PAX5: variants seen among roughly 807,000 people sequenced by gnomAD.
PAX5 encodes paired box protein Pax-5.
Under a neutral mutation model 43.7 loss-of-function variants are expected in PAX5, and 9 were observed. The ratio of observed to expected loss-of-function variants is 0.21; its 90% CI spans 0.12 to 0.36. The LOEUF (loss-of-function observed/expected upper bound fraction) is 0.36, where lower values mean the gene tolerates loss of function less well. Among genes scored for constraint, PAX5 ranks in the 10% least tolerant of loss-of-function variants. The pLI, the probability that PAX5 is intolerant of heterozygous loss-of-function variation, is 1.00. For missense variants in PAX5, 383 were observed against 532.7 expected (o/e 0.72, Z 2.77); for synonymous variants, 228 against 214.3 (o/e 1.06, Z -0.56).
intron 1 of PAX5, among the ~76,000 whole-genome samples, chr9:37,023,847 G>T (rs1268654583): frequency 6.6e-6 from 1 of 152,172 alleles, no homozygotes; most frequent in African/African-American, 2.4e-5. Flanking sequence ...GAAAGGGCAG[G>T]GAAGAAGTCT....
Position 36,839,061 on chromosome 9 carries a change from A to T in PAX5, c.*1499T>A, listed in dbSNP as rs1429936030. ...ACAAGGGCTCTACCTGGCTGTTCTG[A>T]CTTGACAAGAGAGACTATGCAAGGA... On this transcript the variant is annotated 3_prime_UTR_variant, in exon 10 of 10. Transcript: ENST00000358127. 4.3e-6 allele frequency: 1 copy of T among 233,130 alleles called. No homozygotes were observed. Among genetic ancestry groups the T allele is most frequent in the Non-Finnish European group, 8.5e-6 (1 of 118,056 alleles). The allele number at this position is 233,130 out of a possible 1,614,324, so 14.4% of individuals were successfully genotyped here. A position where few individuals can be genotyped will look rare whatever the true frequency, so the allele number is the denominator to read the frequency against.
At chr9:36,988,899 TC>T (rs1406722401) in intron 5 of PAX5, among the ~76,000 whole-genome samples, 1 of 152,170 alleles carries the variant, frequency 6.6e-6, no homozygotes, top group African/African-American at 2.4e-5. Context: ...GGAATTATTA[TC>T]CCCCTTTGAC....
At chr9:36,870,440 T>C (rs146580513) in intron 8 of PAX5, among the ~76,000 whole-genome samples, 217 of 152,350 alleles carry the variant, frequency 1.4e-3, no homozygotes, top group African/African-American at 4.7e-3. Flanking sequence ...ACTCTGCAAC[T>C]GAGGCACAAA....
chr9:37,022,774 C>G (rs1839963487), intron 1 of PAX5, among the ~76,000 whole-genome samples: 1 of 152,202 alleles, frequency 6.6e-6, no homozygotes, highest in Non-Finnish European at 1.5e-5. Flanking sequence ...GTCCCCAAAC[C>G]CTCTACCCTT....
intron 3 of PAX5, among the ~76,000 whole-genome samples, chr9:37,009,789 A>G (rs1309308232): frequency 2.4e-5 from 2 of 82,538 alleles, no homozygotes; most frequent in Admixed American, 2.0e-4. Context: ...TATCTCATGT[A>G]CTCATAAATA....
chr9:36,853,764 A>G (rs921549524), intron 8 of PAX5, among the ~76,000 whole-genome samples: 1 of 152,280 alleles, frequency 6.6e-6, no homozygotes, highest in African/African-American at 2.4e-5. Flanking sequence ...CACTTAATGC[A>G]GCTGTCCTGG....
chr9:36,976,568 A>T (rs1481308844), intron 5 of PAX5, among the ~76,000 whole-genome samples: 20 of 152,182 alleles, frequency 1.3e-4, no homozygotes. Context: ...ACAAAAACAA[A>T]TGTTCTGAGT....
At chr9:36,942,234 T>C (rs186602571) in intron 6 of PAX5, among the ~76,000 whole-genome samples, 33 of 152,336 alleles carry the variant, frequency 2.2e-4, no homozygotes, top group Admixed American at 1.9e-3. Context: ...TCCCATCCCC[T>C]CAATTTTCAG....
In PAX5 at chr9:36,921,129, C is replaced by T. The variant is rs117507854; in HGVS notation, c.910+2226G>A. ...CGCCCAGCCAGACATAGCTTTTATA[C>T]GCACTGGGAAACCAAAAAATGTGTG... On this transcript the variant is annotated intron_variant, in intron 7 of 9. Coordinates refer to ENST00000358127, the MANE Select transcript of PAX5 (RefSeq NM_016734.3). 8.3e-3 allele frequency among the ~76,000 whole-genome samples: 1,258 copies of T among 152,120 alleles called. 36 individuals are homozygous for T. In the East Asian group the frequency reaches 0.1, roughly 12 times the overall value.
intron 6 of PAX5, among the ~76,000 whole-genome samples, chr9:36,930,113 G>A (rs1053995031): frequency 2.0e-5 from 3 of 151,862 alleles, no homozygotes; most frequent in South Asian, 2.1e-4. Context: ...TCTAGATGAT[G>A]GAACAGCTTG....
rs1407725439 is a variant in PAX5 at position 36,840,640 on chromosome 9, G to A, written c.1100-4C>T. ...GCGCTATAATAGTAGGGGGAGCCTG[G>A]AAGAGACGGGAGAGAGCACCGAGGT... On this transcript the variant is annotated splice_polypyrimidine_tract_variant and splice_region_variant and intron_variant, in intron 9 of 9. Transcript: ENST00000358127. The A allele has an allele frequency of 6.4e-7, 1 of 1,555,094 alleles. No individual in the cohort carries two copies. Among genetic ancestry groups the A allele is most frequent in the Non-Finnish European group, 8.7e-7 (1 of 1,146,978 alleles).
chr9:36,961,475 A>G (rs12552580), intron 6 of PAX5, among the ~76,000 whole-genome samples: 1 of 152,108 alleles, frequency 6.6e-6, no homozygotes, highest in Admixed American at 6.5e-5. Context: ...CAGCAATGGG[A>G]TGGATAATTA....
intron 6 of PAX5, among the ~76,000 whole-genome samples, chr9:36,950,018 A>C (rs946565110): frequency 2.6e-5 from 4 of 152,202 alleles, no homozygotes; most frequent in Non-Finnish European, 5.9e-5. Context: ...TCATGGATGG[A>C]CACAGATAGG....
At chr9:36,917,993 C>CTG (rs1395853433) in intron 7 of PAX5, among the ~76,000 whole-genome samples, 3 of 152,128 alleles carry the variant, frequency 2.0e-5, no homozygotes, top group Admixed American at 6.6e-5. Flanking sequence ...CCAATAAATG[C>CTG]TGTGTGTGTT....
intron 3 of PAX5, chr9:37,008,109 G>A (rs539276606): frequency 6.6e-5 from 10 of 152,228 alleles, no homozygotes; most frequent in Non-Finnish European, 1.5e-4. Flanking sequence ...ACCCAGGCTG[G>A]AGTGTAGTGG....
At chr9:36,869,894 A>AAATG (rs1368092165) in intron 8 of PAX5, among the ~76,000 whole-genome samples, 1 of 41,536 alleles carries the variant, frequency 2.4e-5, no homozygotes, top group African/African-American at 1.1e-4. Flanking sequence ...ATGGATGGAT[A>AAATG]AATGGATGGA....
At chr9:36,953,501 T>C (rs1456407964) in intron 6 of PAX5, among the ~76,000 whole-genome samples, 1 of 152,174 alleles carries the variant, frequency 6.6e-6, no homozygotes, top group Non-Finnish European at 1.5e-5. Context: ...TTAGGTGTTC[T>C]GTTCTGGTTT....
At chr9:36,843,058 C>G (rs554079759) in intron 9 of PAX5, among the ~76,000 whole-genome samples, 2 of 151,014 alleles carry the variant, frequency 1.3e-5, no homozygotes, top group East Asian at 3.9e-4. Context: ...GTGAGTGTAT[C>G]AGTGTGTGAG....
chr9:36,898,269 G>A (rs1435531897), intron 7 of PAX5, among the ~76,000 whole-genome samples: 2 of 152,200 alleles, frequency 1.3e-5, no homozygotes, highest in Non-Finnish European at 2.9e-5. Flanking sequence ...GCCCAGCCCA[G>A]CCAACTGCAT....
Sources: allele counts gnomAD v4.1 joint callset (sites outside exome capture counted in the v4.1 genomes callset), GRCh38; gene constraint gnomAD v4.1.1; transcripts MANE v1.5; gene names NCBI Gene and HGNC (gene_info 2026-07-23, HGNC 2026-07-21).